The following PLSCR2 variants were observed in gnomAD, a reference collection of about 807,000 sequenced individuals.
The protein encoded by PLSCR2 is phospholipid scramblase 2.
Under a neutral mutation model 25.3 loss-of-function variants are expected in PLSCR2, and 18 were observed. The ratio of observed to expected loss-of-function variants is 0.71; its 90% CI spans 0.49 to 1.06. The LOEUF is 1.06. Among genes scored for constraint, PLSCR2 ranks in the 50% least tolerant of loss-of-function variants. The pLI, the probability that PLSCR2 is intolerant of heterozygous loss-of-function variation, is 0.00. For missense variants in PLSCR2, 243 were observed against 269.5 expected, an observed-to-expected ratio of 0.90 and a Z score of 0.69; for synonymous variants, 88 against 87.3, an observed-to-expected ratio of 1.01 and a Z score of -0.04.
chr3:146,464,614 T>C (rs939412543), upstream of PLSCR2, among the ~76,000 whole-genome samples: 1 of 152,204 alleles, frequency 6.6e-6, no homozygotes, highest in Admixed American at 6.5e-5. Context: ...TTATATATTA[T>C]ACCATTTGAA....
At chr3:146,474,512 T>A (rs2042221858) in intron 1 of PLSCR2, among the ~76,000 whole-genome samples, 1 of 152,194 alleles carries the variant, frequency 6.6e-6, no homozygotes, top group East Asian at 1.9e-4. Flanking sequence ...TGTTTTTATC[T>A]GATGGGCTTC....
At chr3:146,484,804 A>T (rs2043282557) in intron 1 of PLSCR2, among the ~76,000 whole-genome samples, 5 of 152,140 alleles carry the variant, frequency 3.3e-5, no homozygotes, top group Admixed American at 3.3e-4. Flanking sequence ...TAAATATGAC[A>T]TGGAAAAACT....
intron 1 of PLSCR2, among the ~76,000 whole-genome samples, chr3:146,486,985 T>C (rs577905459): frequency 1.3e-5 from 2 of 152,274 alleles, no homozygotes; most frequent in South Asian, 4.1e-4. Context: ...GTCAGCTTCA[T>C]ACCCGGGATG....
chr3:146,395,559 C>A (rs1225224438), intron 3 of PLSCR2, among the ~76,000 whole-genome samples: 1 of 152,146 alleles, frequency 6.6e-6, no homozygotes, highest in East Asian at 1.9e-4. Flanking sequence ...AAACCTGAAT[C>A]ATCATGTTTC....
chr3:146,410,972 C>A lies in PLSCR2; in HGVS notation c.101-15051G>T, dbSNP rs532401950. Among the ~76,000 whole-genome samples the A allele has an allele frequency of 3.9e-5, 6 of 152,262 alleles. No homozygotes were observed. In the South Asian group the frequency reaches 1.2e-3, roughly 32 times the overall value. On this transcript the variant is annotated intron_variant and NMD_transcript_variant, in intron 2 of 3. Coordinates refer to the PLSCR2 transcript ENST00000463633. ...GTCGCCACGGAACTGCAGGTGACGGCCCATTCGAACTCCGTAGCTTTCACT... is the reference window on the plus strand; with the variant it reads ...GTCGCCACGGAACTGCAGGTGACGGACCATTCGAACTCCGTAGCTTTCACT...
upstream of PLSCR2, among the ~76,000 whole-genome samples, chr3:146,462,381 T>A (rs2041632665): frequency 6.6e-6 from 1 of 152,018 alleles, no homozygotes; most frequent in Admixed American, 6.6e-5. Flanking sequence ...CATAAACCGC[T>A]GCATGTGGCC....
At chr3:146,403,631 T>C (rs1464927392) in intron 2 of PLSCR2, among the ~76,000 whole-genome samples, 1 of 152,228 alleles carries the variant, frequency 6.6e-6, no homozygotes, top group Non-Finnish European at 1.5e-5. Context: ...TTTTTACCTG[T>C]CTCATTATTT....
In PLSCR2 at chr3:146,434,001, C is replaced by A. The variant is rs1350599463; in HGVS notation, c.*35-484G>T. ...GAAGTAAATTGTGGGTTGGCTGTCC[C>A]CTCTCTCAATTCAATCTTCCCTACA... On this transcript the variant is annotated intron_variant, in intron 8 of 8. Coordinates refer to the PLSCR2 transcript ENST00000336685. 2.6e-5 allele frequency among the ~76,000 whole-genome samples: 4 copies of A among 152,048 alleles called. No homozygotes were observed. In the East Asian group the frequency reaches 7.7e-4, roughly 29 times the overall value.
chr3:146,476,435 G>A (rs1209493282), intron 1 of PLSCR2, among the ~76,000 whole-genome samples: 1 of 152,226 alleles, frequency 6.6e-6, no homozygotes, highest in Admixed American at 6.5e-5. Context: ...CCAGGGCCTT[G>A]GGTCCCAACC....
At chr3:146,476,333 A>T (rs1230146848) in intron 1 of PLSCR2, among the ~76,000 whole-genome samples, 1 of 152,184 alleles carries the variant, frequency 6.6e-6, no homozygotes, top group Non-Finnish European at 1.5e-5. Flanking sequence ...GGAGGCGCTG[A>T]GTGTTCATGC....
At chr3:146,474,377 G>A (rs925822403) in intron 1 of PLSCR2, among the ~76,000 whole-genome samples, 5 of 152,136 alleles carry the variant, frequency 3.3e-5, no homozygotes, top group Admixed American at 2.0e-4. Context: ...AGCAGAAGAC[G>A]ATTTCACTTT....
intron 5 of PLSCR2, among the ~76,000 whole-genome samples, chr3:146,451,097 ATTAAG>A (rs1266844263): frequency 6.7e-6 from 1 of 148,928 alleles, no homozygotes; most frequent in Non-Finnish European, 1.5e-5. Context: ...AGAAGTATAC[ATTAAG>A]TTTTCTTTTT....
intron 1 of PLSCR2, among the ~76,000 whole-genome samples, chr3:146,478,872 C>T (rs1282704599): frequency 2.0e-5 from 3 of 152,198 alleles, no homozygotes; most frequent in South Asian, 2.1e-4. Context: ...CAAAGGGAAG[C>T]CCATCAGACT....
chr3:146,431,094 G>T (rs1213535325), downstream of PLSCR2, among the ~76,000 whole-genome samples: 1 of 152,126 alleles, frequency 6.6e-6, no homozygotes, highest in Non-Finnish European at 1.5e-5. Context: ...TCCCCCTCAG[G>T]CCAAGGATGC....
intron 1 of PLSCR2, among the ~76,000 whole-genome samples, chr3:146,471,144 A>G (rs2042104316): frequency 6.6e-6 from 1 of 152,142 alleles, no homozygotes. Flanking sequence ...CCTCTAATAC[A>G]GAACTGTGTC....
At chr3:146,423,362 AC>A (rs1276645012) in intron 2 of PLSCR2, among the ~76,000 whole-genome samples, 3 of 150,498 alleles carry the variant, frequency 2.0e-5, no homozygotes, top group Non-Finnish European at 4.4e-5. Flanking sequence ...AAAATTGATA[AC>A]CTTTTCTACT....
At chr3:146,467,956 AG>A (rs1239687044) in intron 1 of PLSCR2, among the ~76,000 whole-genome samples, 2 of 152,194 alleles carry the variant, frequency 1.3e-5, no homozygotes, top group African/African-American at 4.8e-5. Flanking sequence ...GAGGATGGAA[AG>A]GTGCACAAGG....
intron 1 of PLSCR2, among the ~76,000 whole-genome samples, chr3:146,474,767 G>A (rs1342924312): frequency 2.0e-5 from 3 of 151,804 alleles, no homozygotes; most frequent in Non-Finnish European, 2.9e-5. Flanking sequence ...TCTCCTCCTC[G>A]TACTCCAATC....
At chr3:146,459,949 T>C (rs149831493) in exon 2 of PLSCR2, 7 of 1,614,100 alleles carry the variant, frequency 4.3e-6, no homozygotes, top group Non-Finnish European at 5.9e-6. Context: ...TGAACAGGAA[T>C]GCCAGCTGTG....
Sources: allele counts gnomAD v4.1 joint callset (sites outside exome capture counted in the v4.1 genomes callset), GRCh38; gene constraint gnomAD v4.1.1; transcripts MANE v1.5; gene names NCBI Gene and HGNC (gene_info 2026-07-23, HGNC 2026-07-21).